The following LRRC8D variants were observed in gnomAD, a reference collection of about 807,000 sequenced individuals.
The protein encoded by LRRC8D is volume-regulated anion channel subunit LRRC8D.
In LRRC8D, 20 loss-of-function variants were observed where a neutral mutation model predicts 55.8. The observed-to-expected ratio is 0.36, with a 90% confidence interval of 0.25 to 0.52. The LOEUF is 0.52. Ranked by LOEUF, LRRC8D falls within the 20% of genes least tolerant of loss-of-function variation. The pLI is 0.93. For synonymous variants in LRRC8D, 352 were observed against 377.0 expected (o/e 0.93, Z 0.77); for missense variants, 651 against 1,030.8 (o/e 0.63, Z 5.05).
At chr1:89,930,949 C>T (rs1322367674) in intron 2 of LRRC8D, among the ~76,000 whole-genome samples, 1 of 151,666 alleles carries the variant, frequency 6.6e-6, no homozygotes, top group Non-Finnish European at 1.5e-5. Context: ...GTGTTATCTC[C>T]CACTTCCCCT....
At chr1:89,883,759 C>A (rs895726237) in intron 2 of LRRC8D, among the ~76,000 whole-genome samples, 1 of 152,220 alleles carries the variant, frequency 6.6e-6, no homozygotes, top group Non-Finnish European at 1.5e-5. Context: ...TATTGATGAT[C>A]AGACAGAAAA....
chr1:89,923,629 A>G (rs994444735), intron 2 of LRRC8D, among the ~76,000 whole-genome samples: 1 of 152,230 alleles, frequency 6.6e-6, no homozygotes, highest in Non-Finnish European at 1.5e-5. Flanking sequence ...CACCAAAGCA[A>G]TCCTAAACAC....
chr1:89,833,390 C>T (rs1296139760), intron 1 of LRRC8D, among the ~76,000 whole-genome samples: 1 of 152,228 alleles, frequency 6.6e-6, no homozygotes, highest in Non-Finnish European at 1.5e-5. Context: ...AACCCGCATC[C>T]TTGGCACCAG....
chr1:89,925,008 C>G (rs1052209715), intron 2 of LRRC8D, among the ~76,000 whole-genome samples: 1 of 152,178 alleles, frequency 6.6e-6, no homozygotes, highest in African/African-American at 2.4e-5. Context: ...CCCTGGGCCA[C>G]GGACTGCTGC....
chr1:89,843,593 A>AAG, intron 1 of LRRC8D, 45 bp from the exon 2 acceptor site: 1 of 690,224 alleles, frequency 1.4e-6, no homozygotes, highest in South Asian at 1.5e-5. Flanking sequence ...CGCTGCCGAC[A>AAG]CTTGGATCTC....
chr1:89,877,860 C>CA (rs1662184915), intron 2 of LRRC8D, among the ~76,000 whole-genome samples: 3 of 152,170 alleles, frequency 2.0e-5, no homozygotes, highest in Non-Finnish European at 4.4e-5. Context: ...TGTTCCTAAG[C>CA]AGGAATCATA....
At chr1:89,912,532 G>A (rs2802025) in intron 2 of LRRC8D, among the ~76,000 whole-genome samples, 45,561 of 151,340 alleles carry the variant, frequency 0.3, 7,270 homozygotes, top group African/African-American at 0.4. Context: ...TGCCTCTATA[G>A]AACTCCAGAC....
At chr1:89,863,998 G>T (rs1214630870) in intron 2 of LRRC8D, among the ~76,000 whole-genome samples, 1 of 152,088 alleles carries the variant, frequency 6.6e-6, no homozygotes, top group Non-Finnish European at 1.5e-5. Flanking sequence ...GTGTTGTTAT[G>T]GCATAAAGTG....
At chr1:89,902,270 A>C (rs1342411961) in intron 2 of LRRC8D, among the ~76,000 whole-genome samples, 2 of 152,254 alleles carry the variant, frequency 1.3e-5, no homozygotes, top group African/African-American at 4.8e-5. Flanking sequence ...CGTATTAACA[A>C]AGTGTGCATA....
At chr1:89,821,659 T>C (rs899189456) in intron 1 of LRRC8D, among the ~76,000 whole-genome samples, 11 of 152,110 alleles carry the variant, frequency 7.2e-5, no homozygotes, top group Non-Finnish European at 1.5e-4. Context: ...GGAGAGCCGG[T>C]TTCGGCTCTG....
intron 2 of LRRC8D, among the ~76,000 whole-genome samples, chr1:89,898,466 C>T (rs1662770343): frequency 6.6e-6 from 1 of 152,170 alleles, no homozygotes; most frequent in South Asian, 2.1e-4. Context: ...GACATTGAAG[C>T]TCAGAAAGAG....
At chr1:89,862,994 G>A (rs1163761920) in intron 2 of LRRC8D, among the ~76,000 whole-genome samples, 2 of 152,116 alleles carry the variant, frequency 1.3e-5, no homozygotes, top group Admixed American at 1.3e-4. Context: ...TATTATAAAA[G>A]TAATAAATTC....
At chr1:89,888,365 G>A (rs1486028786) in intron 2 of LRRC8D, among the ~76,000 whole-genome samples, 1 of 152,200 alleles carries the variant, frequency 6.6e-6, no homozygotes, top group East Asian at 1.9e-4. Flanking sequence ...CTTTGGAATG[G>A]AAAGTTATAG....
chr1:89,841,954 T>C (rs934503724), intron 1 of LRRC8D, among the ~76,000 whole-genome samples: 1 of 152,146 alleles, frequency 6.6e-6, no homozygotes, highest in Non-Finnish European at 1.5e-5. Flanking sequence ...GGTTTACGCC[T>C]GTAATCCCAG....
At chr1:89,862,336 T>C (rs939940898) in intron 2 of LRRC8D, among the ~76,000 whole-genome samples, 2 of 152,194 alleles carry the variant, frequency 1.3e-5, no homozygotes, top group African/African-American at 4.8e-5. Context: ...AGTCATTTCA[T>C]TGTAGCTCAA....
At chr1:89,847,347 AG>A (rs1199205278) in intron 2 of LRRC8D, among the ~76,000 whole-genome samples, 1 of 152,220 alleles carries the variant, frequency 6.6e-6, no homozygotes, top group Non-Finnish European at 1.5e-5. Flanking sequence ...CAAAACCCTC[AG>A]GGAGAGGAGA....
chr1:89,822,656 C>T (rs111317885), intron 1 of LRRC8D, among the ~76,000 whole-genome samples: 2,063 of 152,168 alleles, frequency 0.014, 38 homozygotes, highest in African/African-American at 0.048. Flanking sequence ...ACCTTATAAA[C>T]AAATAAGGGG....
intron 2 of LRRC8D, among the ~76,000 whole-genome samples, chr1:89,868,327 C>T (rs1661904557): frequency 6.6e-6 from 1 of 152,060 alleles, no homozygotes; most frequent in Non-Finnish European, 1.5e-5. Flanking sequence ...CCACAGGAAA[C>T]ATTATAATAA....
intron 2 of LRRC8D, among the ~76,000 whole-genome samples, chr1:89,895,735 C>CT (rs1223601296): frequency 6.6e-6 from 1 of 152,118 alleles, no homozygotes; most frequent in Non-Finnish European, 1.5e-5. Context: ...TGAAAGAACT[C>CT]TAAGAAGATG....
Sources: allele counts gnomAD v4.1 joint callset (sites outside exome capture counted in the v4.1 genomes callset), GRCh38; gene constraint gnomAD v4.1.1; transcripts MANE v1.5; gene names NCBI Gene and HGNC (gene_info 2026-07-23, HGNC 2026-07-21).